Variants in SART1 observed in about 807,000 individuals in gnomAD.
SART1 encodes the protein spliceosome associated factor 1, recruiter of U4/U6.U5 tri-snRNP.
In SART1, 28 loss-of-function variants were observed where a neutral mutation model predicts 105.0. The observed-to-expected ratio is 0.27, with a 90% CI of 0.20 to 0.37. SART1 has a LOEUF of 0.37. SART1 is among the 10% of genes least tolerant of loss of function. The probability of loss-of-function intolerance (pLI) is 1.00; values close to 1 mark genes in which losing one functional copy is unlikely to be tolerated. For synonymous variants in SART1, 472 were observed against 462.9 expected (o/e 1.02, Z -0.25); for missense variants, 894 against 1,106.5 (o/e 0.81, Z 2.72).
At chr11:65,967,222 T>C (rs776036936) in intron 9 of SART1, 37 bp from the exon 10 acceptor site, 1 of 1,605,092 alleles carries the variant, frequency 6.2e-7, no homozygotes, top group Non-Finnish European at 8.5e-7. Context: ...TGCCTTTCTG[T>C]GGCCCCCGCT....
chr11:65,966,342 C>A lies in SART1; in HGVS notation c.982-8C>A, dbSNP rs201529113. On this transcript the variant is annotated splice_region_variant and splice_polypyrimidine_tract_variant and intron_variant, in intron 8 of 19. Coordinates refer to ENST00000312397, the MANE Select transcript of SART1 (RefSeq NM_005146.5). The stretch of plus-strand genomic sequence containing the variant: ...CCTGGGTCCCAACCTGTACCTCTTG[C>A]CTTGCAGCAAAAACCTCGCTCTATC... The A allele has an allele frequency of 3.8e-5, 61 of 1,613,894 alleles. No individual in the cohort carries two copies. The highest frequency in any genetic ancestry group is 5.2e-5 in the Non-Finnish European group (61 of 1,180,044).
chr11:65,972,234 G>A (rs1279934189), intron 12 of SART1, among the ~76,000 whole-genome samples: 1 of 152,156 alleles, frequency 6.6e-6, no homozygotes, highest in East Asian at 1.9e-4. Flanking sequence ...CATTGTGGCA[G>A]TGTGGGATTG....
In SART1 at chr11:65,962,067, A is replaced by G; in HGVS notation, c.287A>G (p.Glu96Gly). The G allele has an allele frequency of 7.7e-7, 1 of 1,291,048 alleles. No individual in the cohort carries two copies. The highest frequency in any genetic ancestry group is 1.0e-6 in the Non-Finnish European group (1 of 1,004,024). 80.0% of individuals were successfully genotyped at this position (1,291,048 alleles called of 1,614,324 possible). The change falls in exon 1 of 20, where the codon GAG (glutamate) becomes GGG (glycine). Residue 96 changes from glutamate to glycine, a missense_variant. Transcript: ENST00000312397. ...AEPSERRVKR[E>G]KRDDGYEAAA... ...CCCTCCGAGCGGCGCGTGAAGCGGGAGAAGCGCGATGACGGCTACGAGGCC... is the reference window on the plus strand; with the variant it reads ...CCCTCCGAGCGGCGCGTGAAGCGGGGGAAGCGCGATGACGGCTACGAGGCC...
rs771714797 is a variant in SART1 at position 65,966,525 on chromosome 11, T to G, written c.1157T>G (p.Leu386Arg). ...AQSLSTVGPR[L>R]ASEYLTPEEM... ...TCCCTGAGCACAGTGGGGCCCCGGC[T>G]GGCCTCCGAATACCTCACGCCTGAG... Residue 386 changes from leucine (L) to arginine (R), a missense_variant, in exon 9 of 20, where the codon CTG (leucine) becomes CGG (arginine). Physicochemically the swap from Leu to Arg is moderately radical, Grantham distance 102 (BLOSUM62 -2). Coordinates refer to ENST00000312397, the MANE Select transcript of SART1 (RefSeq NM_005146.5). The G allele has an allele frequency of 6.4e-7, 1 of 1,566,664 alleles. No homozygotes were observed. Among genetic ancestry groups the G allele is most frequent in the Non-Finnish European group, 8.6e-7 (1 of 1,157,380 alleles).
chr11:65,967,661 C>A lies in SART1; in HGVS notation c.1430-18C>A. 6.3e-7 allele frequency: 1 copy of A among 1,583,060 alleles called. No individual in the cohort carries two copies. Among genetic ancestry groups the A allele is most frequent in the Non-Finnish European group, 8.6e-7 (1 of 1,164,676 alleles). On this transcript the variant is annotated intron_variant, in intron 11 of 19. Coordinates refer to ENST00000312397, the MANE Select transcript of SART1 (RefSeq NM_005146.5). Reference sequence around the variant, plus strand: ...TGGAGGAGATGGTCTGAGCAGGCATCCCCTGTGTTTCCCCCAGAGGAAGGT... The same window carrying A: ...TGGAGGAGATGGTCTGAGCAGGCATACCCTGTGTTTCCCCCAGAGGAAGGT...
At chr11:65,964,471 C>T (rs375583517) in intron 2 of SART1, 44 bp from the exon 3 acceptor site, 2 of 1,606,790 alleles carry the variant, frequency 1.2e-6, no homozygotes, top group African/African-American at 2.7e-5. Context: ...ACATGGCACC[C>T]TGTGTCTTTA....
intron 7 of SART1, 39 bp from the exon 8 acceptor site, chr11:65,966,037 G>C (rs765341930): frequency 8.7e-6 from 14 of 1,613,710 alleles, no homozygotes; most frequent in African/African-American, 1.3e-5. Flanking sequence ...GCTGAGTTGC[G>C]GACAAGTGTG....
In SART1 at chr11:65,967,504, A is replaced by C. The variant is rs1454770676; in HGVS notation, c.1347A>C (p.Glu449Asp). 1 of 1,613,148 alleles carries C rather than the reference A, an allele frequency of 6.2e-7. No individual in the cohort carries two copies. Among genetic ancestry groups the C allele is most frequent in the Non-Finnish European group, 8.5e-7 (1 of 1,179,922 alleles). The change falls in exon 11 of 20, where the codon GAA becomes GAC. Residue 449 changes from glutamate (E) to aspartate (D), a missense_variant. Glu to Asp is a conservative substitution (Grantham distance 45). Transcript: ENST00000312397. ...GACGGGGTCGCCGCCGAGTGTCCGAAGTGGAGGAGGAGAAGGAGCCTGTGC... is the reference window on the plus strand; with the variant it reads ...GACGGGGTCGCCGCCGAGTGTCCGACGTGGAGGAGGAGAAGGAGCCTGTGC... ...LRGRGRRRVS[E>D]VEEEKEPVPQ... is the part of the protein sequence containing the mutation.
In SART1 at chr11:65,976,499, C is replaced by A; in HGVS notation, c.1677C>A (p.Phe559Leu). 1 of 1,587,694 alleles carries A rather than the reference C, an allele frequency of 6.3e-7. No individual in the cohort carries two copies. Among genetic ancestry groups the A allele is most frequent in the Non-Finnish European group, 8.6e-7 (1 of 1,166,482 alleles). ...TCGTGTTCAACGCCACGTCCGAGTTCTGCCGCACCTTGGGGGAGATCCCCA... is the reference window on the plus strand; with the variant it reads ...TCGTGTTCAACGCCACGTCCGAGTTATGCCGCACCTTGGGGGAGATCCCCA... The part of the protein sequence containing the change: ...GAIVFNATSE[F>L]CRTLGEIPTY... The change falls in exon 13 of 20, where the codon TTC becomes TTA. Residue 559 changes from phenylalanine (F) to leucine (L), a missense_variant. By Grantham distance (22) the Phe-to-Leu change is conservative (BLOSUM62 0). Transcript: ENST00000312397. The surrounding 1 kb of genome is among the most constrained non-coding windows in gnomAD (Gnocchi z 5.1).
rs970916886 is a variant in SART1, at chr11:65,977,725, G to T, written c.2037-39G>T. 9 of 1,613,792 alleles carry T rather than the reference G, an allele frequency of 5.6e-6. No homozygotes were observed. In the South Asian group the frequency reaches 8.8e-5, roughly 16 times the overall value. On this transcript the variant is annotated intron_variant, in intron 16 of 19. Coordinates refer to ENST00000312397, the MANE Select transcript of SART1 (RefSeq NM_005146.5). The stretch of plus-strand genomic sequence containing the variant: ...TGGAGCTTCGGGACCACAGCAGGCG[G>T]CAGCTCCTCACACTAAGGCCTCCTC...
At chr11:65,977,502 A>G in intron 15 of SART1, 61 bp from the exon 16 acceptor site, 1 of 1,440,878 alleles carries the variant, frequency 6.9e-7, no homozygotes, top group Non-Finnish European at 9.8e-7. Context: ...CTGCCTTCTC[A>G]GGCGGCCCTG....
chr11:65,962,307 C>G (rs1434730733), intron 1 of SART1, among the ~76,000 whole-genome samples: 1 of 152,176 alleles, frequency 6.6e-6, no homozygotes, highest in Non-Finnish European at 1.5e-5. Flanking sequence ...CCAGCCTGGG[C>G]AACAAAGCGA....
At chr11:65,962,334 GAA>G (rs1855162910) in intron 1 of SART1, among the ~76,000 whole-genome samples, 1 of 152,168 alleles carries the variant, frequency 6.6e-6, no homozygotes, top group Non-Finnish European at 1.5e-5. Flanking sequence ...GTCTCAAAAA[GAA>G]AAAAGTCTTT....
chr11:65,961,822 C>T lies in SART1; in HGVS notation c.42C>T (p.Ala14=), dbSNP rs774127664. The part of the protein sequence containing the change: ...SKKHRGEKEA[A]GTTAAAGTGG... Reference sequence around the variant, plus strand: ...AGCATCGCGGAGAGAAGGAGGCGGCCGGGACGACGGCGGCGGCCGGCACCG... The same window carrying T: ...AGCATCGCGGAGAGAAGGAGGCGGCTGGGACGACGGCGGCGGCCGGCACCG... The change falls in exon 1 of 20, where the codon GCC becomes GCT. Residue 14 remains alanine, a synonymous_variant. Transcript: ENST00000312397. 1.3e-6 allele frequency: 2 copies of T among 1,563,692 alleles called. No individual in the cohort carries two copies. The highest frequency in any genetic ancestry group is 5.0e-5 in the East Asian group (2 of 39,756).
intron 12 of SART1, among the ~76,000 whole-genome samples, chr11:65,975,228 A>G (rs1380948766): frequency 6.8e-6 from 1 of 147,774 alleles, no homozygotes. Context: ...CCAGCCTCCC[A>G]AGTAGCTGAG....
Position 65,961,788 on chromosome 11 carries a change from C to A in SART1, c.8C>A (p.Ser3Ter). ...CGGAGTGGACGTGCCACTATGGGGT[C>A]GTCCAAGAAGCATCGCGGAGAGAAG... MG[S>*]SKKHRGEKEA... is the part of the protein sequence containing the mutation. The change falls in exon 1 of 20, where the codon TCG (serine) becomes TAG (stop). Residue 3 changes from serine to a stop codon, truncating the protein, a stop_gained. Transcript: ENST00000312397. LOFTEE classifies it high-confidence loss of function. The A allele has an allele frequency of 6.5e-7, 1 of 1,535,386 alleles. No homozygotes were observed. The highest frequency in any genetic ancestry group is 1.2e-5 in the South Asian group (1 of 81,684).
chr11:65,967,315 G>T lies in SART1; in HGVS notation c.1245G>T (p.Glu415Asp). The change falls in exon 10 of 20, where the codon GAG becomes GAT. Residue 415 changes from glutamate to aspartate, a missense_variant. By Grantham distance (45) the Glu-to-Asp change is conservative (BLOSUM62 2). Coordinates refer to ENST00000312397, the MANE Select transcript of SART1 (RefSeq NM_005146.5). ...RVKKIRKKEK[E>D]VVVRADDLLP... is the part of the protein sequence containing the mutation. ...AGAAAATCCGCAAGAAGGAGAAGGA[G>T]GTAGTAGTGCGGGCAGATGACTTGC... The T allele has an allele frequency of 6.2e-7, 1 of 1,614,176 alleles. No individual in the cohort carries two copies. The highest frequency in any genetic ancestry group is 8.5e-7 in the Non-Finnish European group (1 of 1,180,018).
chr11:65,977,708 C>G (rs1223937654), intron 16 of SART1, 55 bp downstream of exon 16: 3 of 1,613,694 alleles, frequency 1.9e-6, no homozygotes, highest in Admixed American at 3.3e-5. Flanking sequence ...CTTGGAGCTT[C>G]GGGACCACAG....
intron 12 of SART1, among the ~76,000 whole-genome samples, chr11:65,973,040 G>A (rs1442394683): frequency 6.6e-6 from 1 of 152,098 alleles, no homozygotes; most frequent in Non-Finnish European, 1.5e-5. Context: ...CAGACGTGGT[G>A]GCGGGCACCT....
Sources: gnomAD v4.1 joint callset for allele counts (sites outside exome capture counted in the v4.1 genomes callset) on GRCh38, gnomAD v4.1.1 for gene constraint, Gnocchi (gnomAD v3.1) non-coding constraint, MANE v1.5 for transcripts, NCBI Gene and HGNC (gene_info 2026-07-23, HGNC 2026-07-21) for gene names.